Variants in CLEC2A observed in about 807,000 individuals in gnomAD.
CLEC2A encodes the protein keratinocyte-associated C-type lectin.
Under a neutral mutation model 18.6 loss-of-function variants are expected in CLEC2A, and 19 were observed. That is an observed-to-expected ratio of 1.02 (90% CI 0.71 to 1.50). The LOEUF (loss-of-function observed/expected upper bound fraction) is 1.50, where lower values mean the gene tolerates loss of function less well. CLEC2A is among the 40% of genes most tolerant of loss of function. The pLI is 0.00. For missense variants in CLEC2A, 190 were observed against 207.9 expected (o/e 0.91, Z 0.53); for synonymous variants, 74 against 64.0 (o/e 1.16, Z -0.75).
chr12:9,887,825 G>T, the CLEC2A span, among the ~76,000 whole-genome samples: 1 of 151,668 alleles, frequency 6.6e-6, no homozygotes, highest in East Asian at 1.9e-4. Context: ...GCCAAGGCAG[G>T]TGGAGCGCTT....
At chr12:9,888,632 A>G in the CLEC2A span, 2 of 628,290 alleles carry the variant, frequency 3.2e-6, no homozygotes, top group Admixed American at 2.5e-5. Context: ...CACAATTTTT[A>G]TTAGTATGCC....
intron 1 of CLEC2A, among the ~76,000 whole-genome samples, chr12:9,927,741 G>A (rs550262999): frequency 1.3e-5 from 2 of 152,176 alleles, no homozygotes; most frequent in East Asian, 3.9e-4. Context: ...ATTCTGAGAT[G>A]TTTACAAAGA....
Position 9,927,347 on chromosome 12 carries a change from G to A in CLEC2A, c.56-1004C>T, listed in dbSNP as rs190748847. 8.4e-3 allele frequency among the ~76,000 whole-genome samples: 1,273 copies of A among 152,256 alleles called. 12 individuals are homozygous for A. The highest frequency in any genetic ancestry group is 0.014 in the Non-Finnish European group (945 of 68,002). ...GATCAAAAATGGTACACCTTTACAA[G>A]GCAGCTTCATTGTAATCTTATGGGA... On this transcript the variant is annotated intron_variant, in intron 1 of 4. Transcript: ENST00000455827.
At chr12:9,928,660 A>T (rs1863319117) in intron 1 of CLEC2A, among the ~76,000 whole-genome samples, 2 of 152,254 alleles carry the variant, frequency 1.3e-5, no homozygotes, top group African/African-American at 4.8e-5. Flanking sequence ...ATATAGTACA[A>T]ACAACTTGAT....
chr12:9,891,041 C>T, the CLEC2A span, among the ~76,000 whole-genome samples: 14 of 149,678 alleles, frequency 9.4e-5, no homozygotes, highest in African/African-American at 3.5e-4. Context: ...TTGTCCCCTC[C>T]TTTTAATTTT....
intron 4 of CLEC2A, among the ~76,000 whole-genome samples, chr12:9,906,587 G>T (rs1862911051): frequency 2.0e-5 from 3 of 152,138 alleles, no homozygotes; most frequent in Non-Finnish European, 4.4e-5. Context: ...AGTATAAATG[G>T]TCCCTTCCTG....
intron 3 of CLEC2A, among the ~76,000 whole-genome samples, chr12:9,920,731 A>G (rs1242514457): frequency 1.3e-5 from 2 of 152,084 alleles, no homozygotes; most frequent in Non-Finnish European, 2.9e-5. Flanking sequence ...CTTTTCTTTA[A>G]AAACTAATCT....
chr12:9,919,933 T>C (rs937048631), intron 3 of CLEC2A, among the ~76,000 whole-genome samples: 5 of 151,940 alleles, frequency 3.3e-5, no homozygotes, highest in African/African-American at 4.8e-5. Flanking sequence ...GGGTACCCAC[T>C]TACAAGGGCA....
chr12:9,920,336 G>A (rs1363462469), intron 3 of CLEC2A, among the ~76,000 whole-genome samples: 1 of 152,188 alleles, frequency 6.6e-6, no homozygotes, highest in Non-Finnish European at 1.5e-5. Context: ...ACATGCCTGA[G>A]AGGCTGCTCT....
chr12:9,913,466 T>C lies in CLEC2A; in HGVS notation c.*100A>G. 6.9e-7 allele frequency: 1 copy of C among 1,449,516 alleles called. No homozygotes were observed. Among genetic ancestry groups the C allele is most frequent in the Non-Finnish European group, 9.0e-7 (1 of 1,109,920 alleles). 89.8% of individuals were successfully genotyped at this position (1,449,516 alleles called of 1,614,324 possible). On this transcript the variant is annotated 3_prime_UTR_variant, in exon 5 of 5. Coordinates refer to ENST00000455827, the MANE Select transcript of CLEC2A (RefSeq NM_001130711.2). Reference sequence around the variant, plus strand: ...CTAGAAAATGGGCCCTCACCAGAGGTTCCGTATTCTGTAACAGAATAAGTG... The same window carrying C: ...CTAGAAAATGGGCCCTCACCAGAGGCTCCGTATTCTGTAACAGAATAAGTG...
chr12:9,890,258 T>C, the CLEC2A span, among the ~76,000 whole-genome samples: 1 of 152,184 alleles, frequency 6.6e-6, no homozygotes, highest in Non-Finnish European at 1.5e-5. Flanking sequence ...TACCACACAG[T>C]TGGCAGTTTT....
At chr12:9,905,006 T>C (rs904982369) in intron 4 of CLEC2A, among the ~76,000 whole-genome samples, 1 of 152,228 alleles carries the variant, frequency 6.6e-6, no homozygotes. Flanking sequence ...CCTTTGAGCT[T>C]GTTCATCTCC....
chr12:9,878,165 T>C, the CLEC2A span, among the ~76,000 whole-genome samples: 1 of 151,980 alleles, frequency 6.6e-6, no homozygotes, highest in South Asian at 2.1e-4. Flanking sequence ...CTGGTATGGG[T>C]GTGGGAAATT....
chr12:9,908,320 G>T (rs1347763614), downstream of CLEC2A, among the ~76,000 whole-genome samples: 1 of 152,212 alleles, frequency 6.6e-6, no homozygotes, highest in Non-Finnish European at 1.5e-5. Context: ...CTGATGCTTA[G>T]TTCTAGCATT....
chr12:9,913,436 A>C lies in CLEC2A; in HGVS notation c.*130T>G. On this transcript the variant is annotated 3_prime_UTR_variant, in exon 5 of 5. Transcript: ENST00000455827. ...AGGGCACAGCAAGAAGTTTCCATCT[A>C]TAAACTAGAAAATGGGCCCTCACCA... The C allele has an allele frequency of 7.1e-7, 1 of 1,414,084 alleles. No individual in the cohort carries two copies. Among genetic ancestry groups the C allele is most frequent in the Non-Finnish European group, 9.2e-7 (1 of 1,087,200 alleles). 87.6% of individuals were successfully genotyped at this position (1,414,084 alleles called of 1,614,324 possible).
chr12:9,923,922 G>C (rs1863218560), intron 2 of CLEC2A, among the ~76,000 whole-genome samples: 2 of 151,100 alleles, frequency 1.3e-5, no homozygotes, highest in African/African-American at 4.9e-5. Flanking sequence ...ACATTGGGGT[G>C]ATGTTGGGGT....
chr12:9,926,300 G>A lies in CLEC2A; in HGVS notation c.99C>T (p.Phe33=). Reference sequence around the variant, plus strand: ...AAACTGTAGTAATAATAATACTCAGGAAGCACATAAGGCCAATCTTCCAGT... The same window carrying A: ...AAACTGTAGTAATAATAATACTCAGAAAGCACATAAGGCCAATCTTCCAGT... ...IQNWKIGLMC[F]LSIIITTVCI... The change falls in exon 2 of 5, where the codon TTC becomes TTT. Residue 33 remains phenylalanine (F), a synonymous_variant. Transcript: ENST00000455827. 6.5e-7 allele frequency: 1 copy of A among 1,549,694 alleles called. No homozygotes were observed. The highest frequency in any genetic ancestry group is 8.7e-7 in the Non-Finnish European group (1 of 1,145,378).
the CLEC2A span, among the ~76,000 whole-genome samples, chr12:9,892,158 G>A: frequency 2.6e-4 from 40 of 152,258 alleles, no homozygotes; most frequent in African/African-American, 8.7e-4. Flanking sequence ...ACAGATAGCA[G>A]AAATTGACGG....
chr12:9,897,059 C>T (rs1565524984), downstream of CLEC2A, among the ~76,000 whole-genome samples: 1 of 152,004 alleles, frequency 6.6e-6, no homozygotes, highest in Non-Finnish European at 1.5e-5. Flanking sequence ...GAGGTTTCAC[C>T]ATGTTGGCCA....
Sources: gnomAD v4.1 joint callset for allele counts (sites outside exome capture counted in the v4.1 genomes callset) on GRCh38, gnomAD v4.1.1 for gene constraint, MANE v1.5 for transcripts, NCBI Gene and HGNC (gene_info 2026-07-23, HGNC 2026-07-21) for gene names.